TTLL11: variants seen among roughly 807,000 people sequenced by gnomAD.
TTLL11 encodes tubulin tyrosine ligase like 11, also known as tubulin polyglutamylase TTLL11.
Under a neutral mutation model 51.7 loss-of-function variants are expected in TTLL11, and 42 were observed. The ratio of observed to expected loss-of-function variants is 0.81; its 90% CI spans 0.64 to 1.05. TTLL11 has a LOEUF of 1.05. Among genes scored for constraint, TTLL11 ranks in the 50% least tolerant of loss-of-function variants. The probability of loss-of-function intolerance (pLI) is 0.00; values close to 1 mark genes in which losing one functional copy is unlikely to be tolerated. For missense variants in TTLL11, 799 were observed against 940.4 expected (o/e 0.85, Z 1.97); for synonymous variants, 381 against 383.5 (o/e 0.99, Z 0.08).
At chr9:121,950,801 A>G (rs922517927) in intron 6 of TTLL11, among the ~76,000 whole-genome samples, 1 of 152,164 alleles carries the variant, frequency 6.6e-6, no homozygotes, top group Non-Finnish European at 1.5e-5. Context: ...GCTCCTAACG[A>G]CACGAGCTCT....
At chr9:122,074,859 G>C (rs1386417949) in intron 1 of TTLL11, among the ~76,000 whole-genome samples, 2 of 151,704 alleles carry the variant, frequency 1.3e-5, no homozygotes, top group African/African-American at 2.4e-5. Context: ...CTCCAGCCTG[G>C]GCAAGACAGC....
At chr9:121,980,140 G>A (rs996971352) in intron 4 of TTLL11, among the ~76,000 whole-genome samples, 1 of 151,966 alleles carries the variant, frequency 6.6e-6, no homozygotes, top group African/African-American at 2.4e-5. Flanking sequence ...ACAGTGGGTG[G>A]AGGAGAGCAT....
Position 121,819,940 on chromosome 9 carries a change from T to C in TTLL11, c.*2647A>G, listed in dbSNP as rs1381429690. 1.3e-5 allele frequency among the ~76,000 whole-genome samples: 2 copies of C among 152,200 alleles called. No homozygotes were observed. The highest frequency in any genetic ancestry group is 3.9e-4 in the East Asian group (2 of 5,186). ...AGCCTCGAAATGCTTTCAGTTAAAC[T>C]GAAAAGGGCCAATCTGTCAGGACTG... On this transcript the variant is annotated 3_prime_UTR_variant, in exon 9 of 9. Transcript: ENST00000321582.
intron 6 of TTLL11, among the ~76,000 whole-genome samples, chr9:121,948,471 T>C (rs1841745720): frequency 1.3e-5 from 2 of 152,226 alleles, no homozygotes; most frequent in Non-Finnish European, 2.9e-5. Context: ...TCAAGTAATA[T>C]CTACCACCTC....
intron 6 of TTLL11, among the ~76,000 whole-genome samples, chr9:121,891,613 C>T (rs1290899476): frequency 2.0e-5 from 3 of 152,192 alleles, no homozygotes; most frequent in Admixed American, 2.0e-4. Flanking sequence ...AGAAAACGTC[C>T]AAGTTCACTT....
At chr9:121,977,156 C>A (rs895575768) in intron 4 of TTLL11, among the ~76,000 whole-genome samples, 1 of 152,170 alleles carries the variant, frequency 6.6e-6, no homozygotes, top group Non-Finnish European at 1.5e-5. Flanking sequence ...CCTGTCTACA[C>A]CCACCAGTGG....
At chr9:122,028,490 A>G (rs1588217777) in intron 3 of TTLL11, among the ~76,000 whole-genome samples, 1 of 152,320 alleles carries the variant, frequency 6.6e-6, no homozygotes, top group East Asian at 1.9e-4. Context: ...TTACTGATAA[A>G]GGAGTCAAAT....
At chr9:121,838,773 CAAGCAAGA>C (rs61643264) in intron 8 of TTLL11, among the ~76,000 whole-genome samples, 3,110 of 139,240 alleles carry the variant, frequency 0.022, 56 homozygotes, top group African/African-American at 0.045. Context: ...AGCAAGCAAG[CAAGCAAGA>C]AAGCAAGCAA....
intron 6 of TTLL11, among the ~76,000 whole-genome samples, chr9:121,902,603 T>A (rs1839814056): frequency 6.6e-6 from 1 of 152,064 alleles, no homozygotes; most frequent in Non-Finnish European, 1.5e-5. Context: ...TTTTTTTTTT[T>A]AAAGGTCCTT....
chr9:121,919,477 T>A (rs1840446405), intron 6 of TTLL11, among the ~76,000 whole-genome samples: 1 of 152,104 alleles, frequency 6.6e-6, no homozygotes, highest in Non-Finnish European at 1.5e-5. Flanking sequence ...CAAAGAGGCA[T>A]AACGCTTCAA....
intron 1 of TTLL11, among the ~76,000 whole-genome samples, chr9:122,069,925 A>C (rs1015134422): frequency 7.9e-5 from 12 of 151,292 alleles, no homozygotes; most frequent in Admixed American, 2.6e-4. Flanking sequence ...CACCTTATAC[A>C]TTCTCACATT....
At chr9:121,871,957 T>C (rs6478541) in intron 6 of TTLL11, among the ~76,000 whole-genome samples, 15,197 of 152,304 alleles carry the variant, frequency 0.1, 1,040 homozygotes, top group African/African-American at 0.2. Flanking sequence ...TAGCCCTCTC[T>C]CACCTGTTGT....
intron 2 of TTLL11, 31 bp from the exon 3 acceptor site, chr9:122,031,887 C>T: frequency 1.3e-6 from 2 of 1,599,138 alleles, no homozygotes; most frequent in South Asian, 1.1e-5. Context: ...GAGGTTTTAA[C>T]AACAGTGGGC....
chr9:122,047,463 A>C (rs1845039273), intron 1 of TTLL11, among the ~76,000 whole-genome samples: 1 of 152,114 alleles, frequency 6.6e-6, no homozygotes, highest in Non-Finnish European at 1.5e-5. Flanking sequence ...TGGAGATGAG[A>C]CTTCAGCAGG....
At chr9:122,090,378 C>A (rs939673745) in intron 1 of TTLL11, among the ~76,000 whole-genome samples, 2 of 152,146 alleles carry the variant, frequency 1.3e-5, no homozygotes, top group South Asian at 4.1e-4. Flanking sequence ...CTGATCCCTG[C>A]TCATTTCTGA....
intron 1 of TTLL11, among the ~76,000 whole-genome samples, chr9:122,055,164 A>T (rs1588242722): frequency 6.6e-6 from 1 of 151,696 alleles, no homozygotes; most frequent in Non-Finnish European, 1.5e-5. Flanking sequence ...TGAAGGGGGG[A>T]TGTGTCAGTC....
chr9:122,088,281 G>A (rs1447201633), intron 1 of TTLL11, among the ~76,000 whole-genome samples: 3 of 152,156 alleles, frequency 2.0e-5, no homozygotes, highest in Admixed American at 6.5e-5. Context: ...TACTCTGTAT[G>A]GAACATCCTT....
chr9:122,001,147 G>A (rs1216994668), intron 3 of TTLL11, among the ~76,000 whole-genome samples: 2 of 152,200 alleles, frequency 1.3e-5, no homozygotes, highest in Non-Finnish European at 2.9e-5. Flanking sequence ...CCAGGCTGGA[G>A]TGCAATGGCG....
intron 3 of TTLL11, among the ~76,000 whole-genome samples, chr9:122,015,259 G>A (rs952899382): frequency 1.3e-5 from 2 of 152,150 alleles, no homozygotes; most frequent in Non-Finnish European, 2.9e-5. Context: ...TTGAGTTTCA[G>A]ATGATATCGT....
Sources: gnomAD v4.1 joint callset for allele counts (sites outside exome capture counted in the v4.1 genomes callset) on GRCh38, gnomAD v4.1.1 for gene constraint, MANE v1.5 for transcripts, NCBI Gene and HGNC (gene_info 2026-07-23, HGNC 2026-07-21) for gene names.